The following PKHD1 variants were observed in gnomAD, a reference collection of about 807,000 sequenced individuals.
PKHD1 encodes PKHD1 ciliary IPT domain containing fibrocystin/polyductin, also known as fibrocystin.
A neutral mutation model predicts 412.0 loss-of-function variants in PKHD1; 291 were observed. The ratio of observed to expected loss-of-function variants is 0.71; its 90% CI spans 0.64 to 0.78. PKHD1 has a LOEUF of 0.78. PKHD1 is among the 30% of genes least tolerant of loss of function. The probability of loss-of-function intolerance (pLI) is 0.00; values close to 1 mark genes in which losing one functional copy is unlikely to be tolerated. For missense variants in PKHD1, 4,825 were observed against 4,950.7 expected (o/e 0.97, Z 0.76); for synonymous variants, 1,777 against 1,821.5 (o/e 0.98, Z 0.62).
chr6:52,055,554 AC>A, intron 19 of PKHD1, 32 bp downstream of exon 19: 1 of 1,612,796 alleles, frequency 6.2e-7, no homozygotes, highest in Non-Finnish European at 8.5e-7. Context: ...ATACCTACCC[AC>A]CTGACCCAGA....
At chr6:51,725,109 G>T (rs77339885) in intron 60 of PKHD1, among the ~76,000 whole-genome samples, 112 of 152,288 alleles carry the variant, frequency 7.4e-4, no homozygotes, top group Non-Finnish European at 1.4e-3. Context: ...TTCAAAATGA[G>T]TCAGGCTGCT....
chr6:51,887,515 G>A (rs867552847), intron 43 of PKHD1, among the ~76,000 whole-genome samples: 6 of 152,124 alleles, frequency 3.9e-5, no homozygotes, highest in African/African-American at 1.4e-4. Context: ...ACTGGATCAC[G>A]GGGTCAGTTT....
At chr6:51,624,460 C>T (rs1766999775) in intron 66 of PKHD1, among the ~76,000 whole-genome samples, 2 of 152,270 alleles carry the variant, frequency 1.3e-5, no homozygotes, top group African/African-American at 4.8e-5. Context: ...CCTTTCCTAT[C>T]CCTGTCATTC....
intron 36 of PKHD1, among the ~76,000 whole-genome samples, chr6:51,935,663 C>T (rs2397071): frequency 0.024 from 3,714 of 152,270 alleles, 443 homozygotes; most frequent in Admixed American, 0.21. Flanking sequence ...TGCTACCCAA[C>T]CTCCAATACC....
intron 52 of PKHD1, among the ~76,000 whole-genome samples, chr6:51,817,420 T>A (rs753889506): frequency 3.3e-5 from 5 of 152,052 alleles, no homozygotes; most frequent in African/African-American, 4.8e-5. Flanking sequence ...CCCATCCCCC[T>A]AGATTTCTCA....
At chr6:51,994,124 C>T (rs983274801) in intron 35 of PKHD1, among the ~76,000 whole-genome samples, 2 of 147,740 alleles carry the variant, frequency 1.4e-5, no homozygotes, top group African/African-American at 4.9e-5. Context: ...CACTACAGAA[C>T]ACTTTTTTTC....
chr6:51,873,854 A>G (rs1292177415), intron 46 of PKHD1, among the ~76,000 whole-genome samples: 1 of 152,192 alleles, frequency 6.6e-6, no homozygotes, highest in African/African-American at 2.4e-5. Flanking sequence ...ACAAATCAAA[A>G]TAGAAAAGAA....
intron 12 of PKHD1, 90 bp downstream of exon 12, chr6:52,065,886 T>A: frequency 1.3e-6 from 1 of 764,586 alleles, no homozygotes; most frequent in Non-Finnish European, 2.4e-6. Context: ...CAAAGCTTGC[T>A]TCCTCCTGCA....
chr6:51,988,892 A>T (rs1484505854), intron 35 of PKHD1, among the ~76,000 whole-genome samples: 1 of 152,200 alleles, frequency 6.6e-6, no homozygotes, highest in Non-Finnish European at 1.5e-5. Flanking sequence ...AGATGACAAG[A>T]CAAGTCCTCC....
rs372324070 is a variant in PKHD1, at chr6:51,836,401, C to A, written c.8173+3G>T. The A allele has an allele frequency of 6.2e-7, 1 of 1,600,530 alleles. No homozygotes were observed. The highest frequency in any genetic ancestry group is 8.6e-7 in the Non-Finnish European group (1 of 1,167,758). ...CACTTCTACTTCGTGTGTTAATACTCACCTGAAATAGTTGGGGGCATACCT... is the reference window on the plus strand; with the variant it reads ...CACTTCTACTTCGTGTGTTAATACTAACCTGAAATAGTTGGGGGCATACCT... On this transcript the variant is annotated splice_donor_region_variant and intron_variant, in intron 51 of 66. Transcript: ENST00000371117.
intron 48 of PKHD1, among the ~76,000 whole-genome samples, chr6:51,857,960 G>A (rs1382029269): frequency 2.0e-5 from 3 of 152,174 alleles, no homozygotes; most frequent in Admixed American, 2.0e-4. Context: ...GAAATCTTGT[G>A]AGGAGGGGAA....
intron 34 of PKHD1, 131 bp downstream of exon 34, chr6:52,017,279 C>T: frequency 2.7e-6 from 2 of 742,530 alleles, no homozygotes; most frequent in South Asian, 2.9e-5. Context: ...TGGAATGGCC[C>T]CTCCAAGAGA....
chr6:51,811,272 T>C (rs1764643722), intron 52 of PKHD1, among the ~76,000 whole-genome samples: 1 of 152,100 alleles, frequency 6.6e-6, no homozygotes, highest in Admixed American at 6.6e-5. Flanking sequence ...CCTGAAAAAA[T>C]TCTCCCACTT....
intron 60 of PKHD1, among the ~76,000 whole-genome samples, chr6:51,717,935 C>T (rs1781471829): frequency 6.6e-6 from 1 of 152,194 alleles, no homozygotes; most frequent in Admixed American, 6.5e-5. Flanking sequence ...TGCCTTGACC[C>T]TCATCACAAG....
rs1407395649 is a variant in PKHD1, at chr6:52,054,184, T to C, written c.1837-19A>G. The C allele has an allele frequency of 3.7e-6, 6 of 1,612,742 alleles. No individual in the cohort carries two copies. Among genetic ancestry groups the C allele is most frequent in the Non-Finnish European group, 5.1e-6 (6 of 1,178,808 alleles). On this transcript the variant is annotated intron_variant, in intron 19 of 66. Transcript: ENST00000371117. ...GACACAGCTATGGACACCAAATAAG[T>C]CCTTCAGTTCTATTAGTGCAAGAAG...
chr6:51,654,084 A>T (rs775691875), intron 61 of PKHD1, among the ~76,000 whole-genome samples: 27 of 152,186 alleles, frequency 1.8e-4, no homozygotes, highest in Non-Finnish European at 3.5e-4. Flanking sequence ...ATAGTAGAAA[A>T]GTAAAACAGG....
At chr6:51,894,035 G>C (rs892298670) in intron 43 of PKHD1, among the ~76,000 whole-genome samples, 2 of 152,220 alleles carry the variant, frequency 1.3e-5, no homozygotes, top group Non-Finnish European at 1.5e-5. Context: ...CTTGCTGTTT[G>C]AGAGCAAAGA....
At chr6:51,631,447 C>T (rs2150298560) in intron 65 of PKHD1, among the ~76,000 whole-genome samples, 1 of 152,246 alleles carries the variant, frequency 6.6e-6, no homozygotes, top group East Asian at 1.9e-4. Context: ...TCCAGTGGAG[C>T]CTCCTTTCCC....
chr6:51,809,652 AT>A (rs1764383034), intron 52 of PKHD1, among the ~76,000 whole-genome samples: 1 of 151,962 alleles, frequency 6.6e-6, no homozygotes, highest in African/African-American at 2.4e-5. Flanking sequence ...TTTGTACAGC[AT>A]TCCACCTATT....
Sources: allele counts gnomAD v4.1 joint callset (sites outside exome capture counted in the v4.1 genomes callset), GRCh38; gene constraint gnomAD v4.1.1; transcripts MANE v1.5; gene names NCBI Gene and HGNC (gene_info 2026-07-23, HGNC 2026-07-21).